CASQ2: variants seen among roughly 807,000 people sequenced by gnomAD.
CASQ2 encodes calsequestrin-2.
Under a neutral mutation model 46.5 loss-of-function variants are expected in CASQ2, and 49 were observed. That is an observed-to-expected ratio of 1.05 (90% confidence interval 0.84 to 1.34). The LOEUF is 1.34. Among genes scored for constraint, CASQ2 ranks in the 40% most tolerant of loss-of-function variants. The pLI, the probability that CASQ2 is intolerant of heterozygous loss-of-function variation, is 0.00. For synonymous variants in CASQ2, 174 were observed against 168.5 expected (o/e 1.03, Z -0.25); for missense variants, 486 against 481.3 (o/e 1.01, Z -0.09).
chr1:115,729,870 G>A (rs928756291), intron 5 of CASQ2, among the ~76,000 whole-genome samples: 70 of 152,164 alleles, frequency 4.6e-4, no homozygotes, highest in African/African-American at 1.6e-3. Context: ...GCTCCAGTGT[G>A]ATTTAAAAAA....
intron 1 of CASQ2, among the ~76,000 whole-genome samples, chr1:115,750,062 C>A (rs981425916): frequency 6.6e-6 from 1 of 152,196 alleles, no homozygotes; most frequent in African/African-American, 2.4e-5. Context: ...TTGTATCTTG[C>A]AGTTTCTTGG....
intron 7 of CASQ2, among the ~76,000 whole-genome samples, chr1:115,721,291 G>T (rs966929630): frequency 4.6e-5 from 7 of 152,128 alleles, no homozygotes; most frequent in African/African-American, 9.7e-5. Context: ...TGACAGATCA[G>T]CACTGGGTCT....
At chr1:115,738,745 T>C (rs10923327) in intron 3 of CASQ2, among the ~76,000 whole-genome samples, 108,123 of 151,988 alleles carry the variant, frequency 0.71, 42,048 homozygotes, top group Non-Finnish European at 0.87. Flanking sequence ...AATTTACTCT[T>C]TTAGTGATTT....
intron 1 of CASQ2, among the ~76,000 whole-genome samples, chr1:115,759,114 A>T (rs766790741): frequency 1.5e-4 from 23 of 152,206 alleles, no homozygotes; most frequent in Non-Finnish European, 7.3e-5. Context: ...GTGAGTTCTT[A>T]TCATCAATAA....
intron 1 of CASQ2, among the ~76,000 whole-genome samples, chr1:115,753,611 C>T (rs1181047761): frequency 1.3e-5 from 2 of 152,154 alleles, no homozygotes; most frequent in African/African-American, 2.4e-5. Context: ...CCCTGTGCTG[C>T]GTGACTGCCG....
chr1:115,703,758 A>T (rs571304721), intron 9 of CASQ2, among the ~76,000 whole-genome samples: 44 of 152,210 alleles, frequency 2.9e-4, no homozygotes, highest in African/African-American at 1.1e-3. Context: ...AAGAAATTTT[A>T]AAAATTAGCT....
chr1:115,757,934 G>A (rs1333174921), intron 1 of CASQ2, among the ~76,000 whole-genome samples: 1 of 152,120 alleles, frequency 6.6e-6, no homozygotes, highest in Non-Finnish European at 1.5e-5. Flanking sequence ...CAACCATCCA[G>A]CAAACATTTA....
At position 115,702,907 on chromosome 1, in the gene CASQ2, C is replaced by T. The variant is rs1210397585; in HGVS notation, c.1014+14G>A. Reference sequence around the variant, plus strand: ...CCAAGGGTGCCTGAGCAAGCCTTCACAGGGGATACTCACATCTGTGACATT... The same window carrying T: ...CCAAGGGTGCCTGAGCAAGCCTTCATAGGGGATACTCACATCTGTGACATT... On this transcript the variant is annotated intron_variant, in intron 10 of 10. Transcript: ENST00000261448. 6.2e-7 allele frequency: 1 copy of T among 1,607,870 alleles called. No homozygotes were observed. The highest frequency in any genetic ancestry group is 8.5e-7 in the Non-Finnish European group (1 of 1,175,190).
In CASQ2 at chr1:115,744,886, T is replaced by C; in HGVS notation, c.261A>G (p.Lys87=). ...CATCCACCATCACAAAGCCTATAGC[T>C]TTATGTTCAAGGACCTGGGCCACAA... is the stretch of plus-strand genomic sequence containing the variant. ...LELVAQVLEH[K]AIGFVMVDAK... The change falls in exon 2 of 11, where the codon AAA becomes AAG. Residue 87 remains lysine, a synonymous_variant. Coordinates refer to ENST00000261448, the MANE Select transcript of CASQ2 (RefSeq NM_001232.4). 6.2e-7 allele frequency: 1 copy of C among 1,613,822 alleles called. No homozygotes were observed.
At position 115,732,970 on chromosome 1, in the gene CASQ2, G is replaced by T; in HGVS notation, c.537C>A (p.Tyr179Ter). The stretch of plus-strand genomic sequence containing the variant: ...GTTCAGCTGCTTCTTCAAAAGCCTT[G>T]TAGTCTAAGGGGAAAAATAAAGATG... The part of the protein sequence containing the change: ...GFFKSEDSEY[Y>*]KAFEEAAEHF... Residue 179 changes from tyrosine to a stop codon, truncating the protein, a stop_gained, in exon 5 of 11, where the codon TAC becomes TAA. Coordinates refer to ENST00000261448, the MANE Select transcript of CASQ2 (RefSeq NM_001232.4). LOFTEE classifies it high-confidence loss of function. 1 of 1,611,372 alleles carries T rather than the reference G, an allele frequency of 6.2e-7. No homozygotes were observed. The highest frequency in any genetic ancestry group is 8.5e-7 in the Non-Finnish European group (1 of 1,177,616).
chr1:115,733,473 T>C (rs1647859824), intron 4 of CASQ2, among the ~76,000 whole-genome samples: 1 of 152,246 alleles, frequency 6.6e-6, no homozygotes, highest in South Asian at 2.1e-4. Flanking sequence ...CTCCTGTTGC[T>C]GAATTCTAGT....
intron 5 of CASQ2, among the ~76,000 whole-genome samples, chr1:115,728,360 GC>G (rs1296088946): frequency 6.6e-6 from 1 of 152,150 alleles, no homozygotes; most frequent in African/African-American, 2.4e-5. Context: ...AAGAAAACAG[GC>G]CATGTTGACA....
chr1:115,706,254 C>T (rs1036119609), intron 8 of CASQ2, among the ~76,000 whole-genome samples: 6 of 152,086 alleles, frequency 3.9e-5, no homozygotes, highest in African/African-American at 7.2e-5. Context: ...TGTGTGTCCA[C>T]GTACAGAATC....
chr1:115,727,613 T>G (rs35672929), intron 5 of CASQ2, among the ~76,000 whole-genome samples: 26,912 of 152,182 alleles, frequency 0.18, 2,667 homozygotes, highest in South Asian at 0.25. Flanking sequence ...TAGCCCTAAT[T>G]GCTTTTTAGG....
chr1:115,711,585 A>G (rs1326346138), intron 8 of CASQ2, among the ~76,000 whole-genome samples: 2 of 103,738 alleles, frequency 1.9e-5, no homozygotes, highest in African/African-American at 9.8e-5. Context: ...ACTCTTACTC[A>G]TTTTAAGATT....
At chr1:115,752,229 C>A (rs767936731) in intron 1 of CASQ2, among the ~76,000 whole-genome samples, 3 of 152,194 alleles carry the variant, frequency 2.0e-5, no homozygotes, top group Non-Finnish European at 4.4e-5. Flanking sequence ...CCTTTTTACC[C>A]TTGATCATCA....
At chr1:115,727,390 G>C (rs1193166725) in intron 5 of CASQ2, among the ~76,000 whole-genome samples, 1 of 152,170 alleles carries the variant, frequency 6.6e-6, no homozygotes, top group Non-Finnish European at 1.5e-5. Flanking sequence ...GTTGAGATGC[G>C]AAGTGGGAAA....
At chr1:115,725,356 CG>C in intron 7 of CASQ2, 151 bp downstream of exon 7, 1 of 910,526 alleles carries the variant, frequency 1.1e-6, no homozygotes, top group Non-Finnish European at 1.8e-6. Context: ...TCTGAGCCGT[CG>C]TACCCAATCT....
chr1:115,745,610 A>T (rs1262849036), intron 1 of CASQ2, among the ~76,000 whole-genome samples: 2 of 152,172 alleles, frequency 1.3e-5, no homozygotes, highest in Non-Finnish European at 2.9e-5. Flanking sequence ...AGCTTCCTGC[A>T]ATGCAGATAT....
Sources: allele counts gnomAD v4.1 joint callset (sites outside exome capture counted in the v4.1 genomes callset), GRCh38; gene constraint gnomAD v4.1.1; transcripts MANE v1.5; gene names NCBI Gene and HGNC (gene_info 2026-07-23, HGNC 2026-07-21).